DYNC1I1: variants seen among roughly 807,000 people sequenced by gnomAD.
DYNC1I1 encodes the protein cytoplasmic dynein 1 intermediate chain 1.
In DYNC1I1, 43 loss-of-function variants were observed where a neutral mutation model predicts 86.6. That is an observed-to-expected ratio of 0.50 (90% CI 0.39 to 0.64). The LOEUF is 0.64. Ranked by LOEUF, DYNC1I1 falls within the 30% of genes least tolerant of loss-of-function variation. DYNC1I1 has a pLI of 0.00. For synonymous variants in DYNC1I1, 262 were observed against 283.7 expected, an observed-to-expected ratio of 0.92 and a Z score of 0.77; for missense variants, 604 against 788.8, an observed-to-expected ratio of 0.77 and a Z score of 2.81.
chr7:95,844,320 A>G (rs929034897), intron 5 of DYNC1I1, among the ~76,000 whole-genome samples: 3 of 152,242 alleles, frequency 2.0e-5, no homozygotes, highest in African/African-American at 7.2e-5. Context: ...AAGGAAAACC[A>G]TGAAGCTGTG....
intron 1 of DYNC1I1, among the ~76,000 whole-genome samples, chr7:95,798,891 T>C (rs901745217): frequency 6.6e-6 from 1 of 152,204 alleles, no homozygotes; most frequent in Non-Finnish European, 1.5e-5. Context: ...GAGCTCATTG[T>C]TGGGTTCGAG....
At chr7:95,889,352 G>A (rs1054009662) in intron 6 of DYNC1I1, among the ~76,000 whole-genome samples, 4 of 152,032 alleles carry the variant, frequency 2.6e-5, no homozygotes, top group Non-Finnish European at 4.4e-5. Context: ...TTATAGAAAC[G>A]ACTTCCTGTT....
At chr7:95,946,890 A>G (rs1051844246) in intron 6 of DYNC1I1, among the ~76,000 whole-genome samples, 1 of 152,116 alleles carries the variant, frequency 6.6e-6, no homozygotes, top group African/African-American at 2.4e-5. Context: ...AGTAAAAGAG[A>G]CAGACAGCTG....
intron 5 of DYNC1I1, among the ~76,000 whole-genome samples, chr7:95,832,435 G>A (rs1400392875): frequency 6.6e-6 from 1 of 151,778 alleles, no homozygotes; most frequent in Non-Finnish European, 1.5e-5. Context: ...ACATACGTGT[G>A]CATGTGTCTT....
intron 1 of DYNC1I1, among the ~76,000 whole-genome samples, chr7:95,788,644 TC>T (rs951142277): frequency 7.2e-5 from 11 of 152,184 alleles, no homozygotes; most frequent in African/African-American, 2.7e-4. Flanking sequence ...GAAAACTTCA[TC>T]CCCGTTTTTG....
At chr7:95,846,979 T>G (rs1270759110) in intron 5 of DYNC1I1, among the ~76,000 whole-genome samples, 1 of 152,180 alleles carries the variant, frequency 6.6e-6, no homozygotes, top group Non-Finnish European at 1.5e-5. Context: ...TCTCTGACCT[T>G]TGGTCCTGCA....
At chr7:95,933,719 A>G (rs1335740875) in intron 6 of DYNC1I1, among the ~76,000 whole-genome samples, 1 of 152,150 alleles carries the variant, frequency 6.6e-6, no homozygotes, top group African/African-American at 2.4e-5. Flanking sequence ...TTTTTTTAAA[A>G]AAAACTTCAC....
intron 6 of DYNC1I1, among the ~76,000 whole-genome samples, chr7:95,931,331 G>A (rs978599092): frequency 6.6e-6 from 1 of 152,118 alleles, no homozygotes; most frequent in South Asian, 2.1e-4. Flanking sequence ...TGCATTTTTT[G>A]TAGAGATGGG....
At chr7:96,050,930 G>A (rs1476351750) in intron 14 of DYNC1I1, among the ~76,000 whole-genome samples, 1 of 152,040 alleles carries the variant, frequency 6.6e-6, no homozygotes, top group Non-Finnish European at 1.5e-5. Flanking sequence ...AATAAATTCT[G>A]TTGAGTACCA....
chr7:96,060,134 A>G (rs1024946768), intron 14 of DYNC1I1, among the ~76,000 whole-genome samples: 1 of 152,190 alleles, frequency 6.6e-6, no homozygotes, highest in Non-Finnish European at 1.5e-5. Flanking sequence ...TATTCACAGT[A>G]TGACTATCGG....
chr7:96,052,802 C>A (rs879541808), intron 14 of DYNC1I1, among the ~76,000 whole-genome samples: 1 of 152,002 alleles, frequency 6.6e-6, no homozygotes, highest in Non-Finnish European at 1.5e-5. Flanking sequence ...TGATGCCATG[C>A]GATGGAGTGT....
At chr7:95,869,519 CCTT>C (rs1333520786) in intron 5 of DYNC1I1, among the ~76,000 whole-genome samples, 1 of 151,850 alleles carries the variant, frequency 6.6e-6, no homozygotes, top group Non-Finnish European at 1.5e-5. Flanking sequence ...TTCCTTTTCT[CCTT>C]CTTTCCTAAG....
rs1039807349 is a variant in DYNC1I1, at chr7:96,076,897, T to G, written c.1650+700T>G. Among the ~76,000 whole-genome samples, 31 of 152,346 alleles carry G rather than the reference T, an allele frequency of 2.0e-4. No individual in the cohort carries two copies. The East Asian group carries it at 5.4e-3, about 27-fold the overall frequency. On this transcript the variant is annotated intron_variant, in intron 15 of 16. Transcript: ENST00000447467. The stretch of plus-strand genomic sequence containing the variant: ...TGTTTTTAAATTATGCTATAAAAAT[T>G]TATGTTTTAAAAACTATGCCACATG...
chr7:95,850,913 G>A (rs887905166), intron 5 of DYNC1I1, among the ~76,000 whole-genome samples: 3 of 152,056 alleles, frequency 2.0e-5, no homozygotes, highest in African/African-American at 7.3e-5. Context: ...AGTAAAATAA[G>A]GGTTACTTGA....
chr7:96,016,408 G>C (rs1256228502), intron 10 of DYNC1I1, among the ~76,000 whole-genome samples: 1 of 151,266 alleles, frequency 6.6e-6, no homozygotes, highest in Non-Finnish European at 1.5e-5. Flanking sequence ...TCCTCCAAAT[G>C]TAGATTTATT....
chr7:95,893,418 T>TA (rs1790797052), intron 6 of DYNC1I1, among the ~76,000 whole-genome samples: 2 of 152,226 alleles, frequency 1.3e-5, no homozygotes, highest in Non-Finnish European at 2.9e-5. Flanking sequence ...GATACTATAT[T>TA]AAAGGGTTTC....
chr7:96,063,105 ATATGTGTGTG>A (rs1442403586), intron 14 of DYNC1I1, among the ~76,000 whole-genome samples: 1 of 128,654 alleles, frequency 7.8e-6, no homozygotes, highest in East Asian at 2.0e-4. Flanking sequence ...GTGTGTATAT[ATATGTGTGTG>A]TGTGTGTGTG....
chr7:95,991,178 A>G (rs1226142193), intron 9 of DYNC1I1, among the ~76,000 whole-genome samples: 2 of 152,194 alleles, frequency 1.3e-5, no homozygotes, highest in African/African-American at 2.4e-5. Context: ...TGTGACTTCT[A>G]TTGTCCCCCA....
chr7:96,073,107 A>G (rs1451973755), intron 14 of DYNC1I1, among the ~76,000 whole-genome samples: 1 of 152,212 alleles, frequency 6.6e-6, no homozygotes, highest in African/African-American at 2.4e-5. Flanking sequence ...CCTGATCAAG[A>G]CTTTCCCAAC....
Sources: gnomAD v4.1 joint callset for allele counts (sites outside exome capture counted in the v4.1 genomes callset) on GRCh38, gnomAD v4.1.1 for gene constraint, MANE v1.5 for transcripts, NCBI Gene and HGNC (gene_info 2026-07-23, HGNC 2026-07-21) for gene names.